The following SH2B3 variants were observed in gnomAD, a reference collection of about 807,000 sequenced individuals.
SH2B3 encodes SH2B adaptor protein 3, also known as SH2B adapter protein 3.
Under a neutral mutation model 51.9 loss-of-function variants are expected in SH2B3, and 43 were observed. The ratio of observed to expected loss-of-function variants is 0.83; its 90% confidence interval spans 0.65 to 1.07. SH2B3 has a LOEUF of 1.07. Ranked by LOEUF, SH2B3 falls within the 50% of genes least tolerant of loss-of-function variation. SH2B3 has a pLI of 0.00. For synonymous variants in SH2B3, 396 were observed against 376.0 expected (o/e 1.05, Z -0.62); for missense variants, 952 against 834.3 (o/e 1.14, Z -1.74).
In SH2B3 at chr12:111,446,830, C is replaced by A; in HGVS notation, c.810C>A (p.Asp270Glu). Residue 270 changes from aspartate (D) to glutamate (E), a missense_variant, in exon 3 of 8, where the codon GAC becomes GAA. Transcript: ENST00000341259. Reference protein sequence around the residue: ...VRWCTRLEMPDNLYTFVLKVK... With the variant: ...VRWCTRLEMPENLYTFVLKVK... ...GGTGCACACGGCTTGAGATGCCTGA[C>A]AACCTTTACACCTTTGTGCTGAAGG... 1.9e-6 allele frequency: 3 copies of A among 1,591,160 alleles called. No individual in the cohort carries two copies. The highest frequency in any genetic ancestry group is 2.6e-6 in the Non-Finnish European group (3 of 1,165,638).
chr12:111,448,074 C>A lies in SH2B3; in HGVS notation c.1500C>A (p.His500Gln), dbSNP rs201600035. Residue 500 changes from histidine to glutamine, a missense_variant, in exon 8 of 8, where the codon CAC (histidine) becomes CAA (glutamine). Transcript: ENST00000341259. ...GGGGTTCAGAGTTGGGCCTTCCCCA[C>A]CTTAGTTCTTCTGGCTGTCCCCGGG... ...PHWGSELGLP[H>Q]LSSSGCPRGL... 5.0e-6 allele frequency: 8 copies of A among 1,613,922 alleles called. No homozygotes were observed. The highest frequency in any genetic ancestry group is 1.6e-4 in the Middle Eastern group (1 of 6,084).
rs1451422577 is a variant in SH2B3, at chr12:111,410,289, G to T, written c.-28+4012G>T. ...ACTGGTGTCATCTCAAGGAGGAGAG[G>T]CCCAGAGAGGGCAGTGTATGCTGCG... On this transcript the variant is annotated intron_variant, in intron 1 of 7. Transcript: ENST00000341259. The surrounding 1 kb of genome is among the most constrained non-coding windows in gnomAD (Gnocchi z 4.9). Among the ~76,000 whole-genome samples, 1 of 152,164 alleles carries T rather than the reference G, an allele frequency of 6.6e-6. No homozygotes were observed. The highest frequency in any genetic ancestry group is 1.5e-5 in the Non-Finnish European group (1 of 68,010).
intron 2 of SH2B3, among the ~76,000 whole-genome samples, chr12:111,426,385 CTTT>C (rs796965805): frequency 2.2e-5 from 3 of 136,020 alleles, no homozygotes; most frequent in Admixed American, 7.3e-5. Flanking sequence ...TTTCTTTTAT[CTTT>C]TTTTTTTTTT....
chr12:111,418,174 C>A lies in SH2B3; in HGVS notation c.29C>A (p.Ser10Ter), dbSNP rs1484288251. 1 of 1,552,824 alleles carries A rather than the reference C, an allele frequency of 6.4e-7. No homozygotes were observed. Among genetic ancestry groups the A allele is most frequent in the Admixed American group, 1.9e-5 (1 of 52,280 alleles). The change falls in exon 2 of 8, where the codon TCG becomes TAG. Residue 10 changes from serine to a stop codon, truncating the protein, a stop_gained. Transcript: ENST00000341259. LOFTEE classifies it high-confidence loss of function. The surrounding 1 kb of genome is among the most constrained non-coding windows in gnomAD (Gnocchi z 6.7). MNGPALQPSSPSSAPSASPA... is the reference protein window; with the variant it reads MNGPALQPS ...AACGGGCCTGCCCTGCAGCCCTCCT[C>A]GCCCTCTTCCGCGCCCTCAGCCTCC...
At chr12:111,443,111 G>A (rs1873594011) in intron 2 of SH2B3, among the ~76,000 whole-genome samples, 1 of 152,256 alleles carries the variant, frequency 6.6e-6, no homozygotes, top group Non-Finnish European at 1.5e-5. Flanking sequence ...ACAGCATGAG[G>A]GCAAGTGAGG....
intron 2 of SH2B3, among the ~76,000 whole-genome samples, chr12:111,424,033 A>C (rs1342207956): frequency 6.6e-6 from 1 of 152,162 alleles, no homozygotes; most frequent in African/African-American, 2.4e-5. Context: ...AATCACTTGA[A>C]CCCAGGAGGC....
chr12:111,418,302 C>G lies in SH2B3; in HGVS notation c.157C>G (p.Pro53Ala). 1 of 1,532,684 alleles carries G rather than the reference C, an allele frequency of 6.5e-7. No homozygotes were observed. Among genetic ancestry groups the G allele is most frequent in the Non-Finnish European group, 8.7e-7 (1 of 1,145,770 alleles). The allele number at this position is 1,532,684 out of a possible 1,614,324, so 94.9% of individuals were successfully genotyped here. A position where few individuals can be genotyped will look rare whatever the true frequency, so the allele number is the denominator to read the frequency against. ...RQYWLFAREHPQHAPLRAELV... is the reference protein window; with the variant it reads ...RQYWLFAREHAQHAPLRAELV... Reference sequence around the variant, plus strand: ...GTACTGGCTGTTCGCCCGGGAGCATCCGCAGCACGCGCCGCTGCGCGCCGA... The same window carrying G: ...GTACTGGCTGTTCGCCCGGGAGCATGCGCAGCACGCGCCGCTGCGCGCCGA... Residue 53 changes from proline (P) to alanine (A), a missense_variant, in exon 2 of 8, where the codon CCG becomes GCG. Coordinates refer to ENST00000341259, the MANE Select transcript of SH2B3 (RefSeq NM_005475.3). The surrounding 1 kb of genome is among the most constrained non-coding windows in gnomAD (Gnocchi z 6.7).
At chr12:111,431,787 TG>T (rs1298049509) in intron 2 of SH2B3, among the ~76,000 whole-genome samples, 5 of 152,190 alleles carry the variant, frequency 3.3e-5, no homozygotes, top group African/African-American at 9.7e-5. Flanking sequence ...TAAGTTTTTT[TG>T]TAGAGACAAA....
At position 111,447,663 on chromosome 12, in the gene SH2B3, G is replaced by A. The variant is rs918140013; in HGVS notation, c.1244G>A (p.Arg415His). The A allele has an allele frequency of 3.7e-6, 6 of 1,611,694 alleles. No individual in the cohort carries two copies. The highest frequency in any genetic ancestry group is 5.1e-6 in the Non-Finnish European group (6 of 1,178,490). ...CATCCTCTCCTCCCACAGCACCTGC[G>A]CCTGTCGCTGACAGAGCGGGGCCAG... is the stretch of plus-strand genomic sequence containing the variant. ...FNFQGIAKHL[R>H]LSLTERGQCR... Residue 415 changes from arginine (R) to histidine (H), a missense_variant, in exon 7 of 8, where the codon CGC becomes CAC. By Grantham distance (29) the Arg-to-His change is conservative (BLOSUM62 0). Coordinates refer to ENST00000341259, the MANE Select transcript of SH2B3 (RefSeq NM_005475.3).
chr12:111,423,408 T>G (rs1043204336), intron 2 of SH2B3, among the ~76,000 whole-genome samples: 1 of 152,180 alleles, frequency 6.6e-6, no homozygotes, highest in Non-Finnish European at 1.5e-5. Flanking sequence ...CTTGCTCTGT[T>G]GCCCAGGCTG....
chr12:111,442,570 G>C (rs1460418552), intron 2 of SH2B3, among the ~76,000 whole-genome samples: 5 of 152,210 alleles, frequency 3.3e-5, no homozygotes, highest in Non-Finnish European at 7.4e-5. Flanking sequence ...TCTCCCCAAG[G>C]CTGGTCTGGG....
At chr12:111,428,632 C>T (rs1872198138) in intron 2 of SH2B3, among the ~76,000 whole-genome samples, 1 of 152,140 alleles carries the variant, frequency 6.6e-6, no homozygotes, top group African/African-American at 2.4e-5. Flanking sequence ...AGCACAAAGT[C>T]CCCCCAAGAG....
In SH2B3 at chr12:111,427,431, G is replaced by A. The variant is rs575774510; in HGVS notation, c.732+8554G>A. Among the ~76,000 whole-genome samples, 722 of 150,896 alleles carry A rather than the reference G, an allele frequency of 4.8e-3. 11 individuals carry two copies. Among genetic ancestry groups the A allele is most frequent in the African/African-American group, 0.017 (688 of 40,952 alleles). ...AAAAAAAAAAAAATCAGAGGATCTG[G>A]CGGTGCCAGGCCGGCATTGGAGGGG... On this transcript the variant is annotated intron_variant, in intron 2 of 7. Transcript: ENST00000341259.
rs754848736 is a variant in SH2B3, at chr12:111,418,573, G to T, written c.428G>T (p.Arg143Leu). The T allele has an allele frequency of 1.3e-6, 2 of 1,481,986 alleles. No individual in the cohort carries two copies. The highest frequency in any genetic ancestry group is 1.8e-6 in the Non-Finnish European group (2 of 1,122,772). The allele number at this position is 1,481,986 out of a possible 1,614,324, so 91.8% of individuals were successfully genotyped here. ...TTCCAGCACTTTCGCCGCAGCCTCC[G>T]CCACATCTTCCGCCGCCGCTCGGCC... ...CSFQHFRRSL[R>L]HIFRRRSAGE... Residue 143 changes from arginine (R) to leucine (L), a missense_variant, in exon 2 of 8, where the codon CGC becomes CTC. Arg to Leu is a moderately radical substitution (Grantham distance 102). Coordinates refer to ENST00000341259, the MANE Select transcript of SH2B3 (RefSeq NM_005475.3). This position sits in a 1 kb window ranked among gnomAD's most constrained non-coding sequence, Gnocchi z 6.7.
intron 2 of SH2B3, among the ~76,000 whole-genome samples, chr12:111,419,468 C>T (rs974093879): frequency 6.6e-6 from 1 of 152,116 alleles, no homozygotes; most frequent in Non-Finnish European, 1.5e-5. Flanking sequence ...GAAACCCTGT[C>T]TCTACTAAAA....
Position 111,447,521 on chromosome 12 carries a change from T to G in SH2B3, c.1213T>G (p.Phe405Val). 1 of 1,324,264 alleles carries G rather than the reference T, an allele frequency of 7.6e-7. No homozygotes were observed. The highest frequency in any genetic ancestry group is 3.8e-5 in the East Asian group (1 of 26,086). 82.0% of individuals were successfully genotyped at this position (1,324,264 alleles called of 1,614,324 possible). The stretch of plus-strand genomic sequence containing the variant: ...GCGGCGTGGGGAATACGTGCTCACT[T>G]TCAACTTTCAGGGGATAGCCAAGGT... ...ETRRGEYVLTFNFQGIAKHLR... is the reference protein window; with the variant it reads ...ETRRGEYVLTVNFQGIAKHLR... Residue 405 changes from phenylalanine to valine, a missense_variant, in exon 6 of 8, where the codon TTC becomes GTC. Coordinates refer to ENST00000341259, the MANE Select transcript of SH2B3 (RefSeq NM_005475.3).
In SH2B3 at chr12:111,418,374, C is replaced by G. The variant is rs1319912702; in HGVS notation, c.229C>G (p.Arg77Gly). ...FTDLFQRYFC[R>G]EVRDGRAPGR... is the part of the protein sequence containing the mutation. ...CGACCTCTTCCAGCGCTACTTCTGC[C>G]GCGAGGTGCGCGACGGACGGGCGCC... The change falls in exon 2 of 8, where the codon CGC becomes GGC. Residue 77 changes from arginine (R) to glycine (G), a missense_variant. Physicochemically the swap from Arg to Gly is moderately radical, Grantham distance 125 (BLOSUM62 -2). Transcript: ENST00000341259. The surrounding 1 kb of genome is among the most constrained non-coding windows in gnomAD (Gnocchi z 6.7). 11 of 1,516,042 alleles carry G rather than the reference C, an allele frequency of 7.3e-6. No homozygotes were observed. The highest frequency in any genetic ancestry group is 6.0e-5 in the Admixed American group (3 of 49,698). The allele number at this position is 1,516,042 out of a possible 1,614,324, so 93.9% of individuals were successfully genotyped here.
rs1013324264 is a variant in SH2B3, at chr12:111,448,144, C to G, written c.1570C>G (p.Gln524Glu). The change falls in exon 8 of 8, where the codon CAG becomes GAG. Residue 524 changes from glutamine (Q) to glutamate (E), a missense_variant. Physicochemically the swap from Gln to Glu is conservative, Grantham distance 29 (BLOSUM62 2). Coordinates refer to ENST00000341259, the MANE Select transcript of SH2B3 (RefSeq NM_005475.3). ...CCCAGGGCGATCCTCACCCCCCGAG[C>G]AGATCTTCCACCTGGTGCCTTCGCC... ...GLPGRSSPPE[Q>E]IFHLVPSPEE... 1 of 1,614,178 alleles carries G rather than the reference C, an allele frequency of 6.2e-7. No homozygotes were observed. The highest frequency in any genetic ancestry group is 1.7e-5 in the Admixed American group (1 of 60,030).
At chr12:111,442,012 A>G (rs1593069591) in intron 2 of SH2B3, among the ~76,000 whole-genome samples, 1 of 151,902 alleles carries the variant, frequency 6.6e-6, no homozygotes, top group Non-Finnish European at 1.5e-5. Flanking sequence ...GCTCACTGCA[A>G]CCTCTGTCTC....
Sources: gnomAD v4.1 joint callset for allele counts (sites outside exome capture counted in the v4.1 genomes callset) on GRCh38, gnomAD v4.1.1 for gene constraint, Gnocchi (gnomAD v3.1) non-coding constraint, MANE v1.5 for transcripts, NCBI Gene and HGNC (gene_info 2026-07-23, HGNC 2026-07-21) for gene names.